IHO1: variants seen among roughly 807,000 people sequenced by gnomAD.
The protein encoded by IHO1 is interactor of HORMAD1 1, also known as interactor of HORMAD1 protein 1.
In IHO1, 13 loss-of-function variants were observed where a neutral mutation model predicts 31.0. The observed-to-expected ratio is 0.42, with a 90% CI of 0.27 to 0.67. The LOEUF (loss-of-function observed/expected upper bound fraction) is 0.67, where lower values mean the gene tolerates loss of function less well. Ranked by LOEUF, IHO1 falls within the 30% of genes least tolerant of loss-of-function variation. The pLI is 0.24. For missense variants in IHO1, 599 were observed against 687.5 expected, an observed-to-expected ratio of 0.87 and a Z score of 1.44; for synonymous variants, 221 against 248.4, an observed-to-expected ratio of 0.89 and a Z score of 1.04.
intron 1 of IHO1, among the ~76,000 whole-genome samples, chr3:49,206,760 C>T (rs2046143298): frequency 6.6e-6 from 1 of 152,026 alleles, no homozygotes; most frequent in African/African-American, 2.4e-5. Flanking sequence ...AGGCTGGATG[C>T]AGTGGCACAC....
At chr3:49,215,580 C>T (rs528994050) in intron 2 of IHO1, among the ~76,000 whole-genome samples, 7 of 152,290 alleles carry the variant, frequency 4.6e-5, no homozygotes, top group Admixed American at 1.3e-4. Flanking sequence ...TCCTGCTGCT[C>T]GCCACACAGA....
At chr3:49,237,409 T>G (rs1283845447) in intron 3 of IHO1, among the ~76,000 whole-genome samples, 2 of 152,128 alleles carry the variant, frequency 1.3e-5, no homozygotes, top group African/African-American at 2.4e-5. Flanking sequence ...CTTAAAAAAA[T>G]TACTTATTCT....
chr3:49,257,415 G>A lies in IHO1; in HGVS notation c.*133G>A. 1 of 852,562 alleles carries A rather than the reference G, an allele frequency of 1.2e-6. No individual in the cohort carries two copies. Among genetic ancestry groups the A allele is most frequent in the Non-Finnish European group, 1.9e-6 (1 of 538,790 alleles). 52.8% of individuals were successfully genotyped at this position (852,562 alleles called of 1,614,324 possible). A position where few individuals can be genotyped will look rare whatever the true frequency, so the allele number is the denominator to read the frequency against. ...AGGCCCTGCTGAGGTGGGGCAATGAGCACGAGGGCAGGGAAGGTCCAGCAT... is the reference window on the plus strand; with the variant it reads ...AGGCCCTGCTGAGGTGGGGCAATGAACACGAGGGCAGGGAAGGTCCAGCAT... On this transcript the variant is annotated 3_prime_UTR_variant, in exon 8 of 8. Coordinates refer to ENST00000452691, the MANE Select transcript of IHO1 (RefSeq NM_001135197.2).
intron 2 of IHO1, among the ~76,000 whole-genome samples, chr3:49,224,528 A>C: frequency 6.6e-6 from 1 of 152,248 alleles, no homozygotes; most frequent in Non-Finnish European, 1.5e-5. Flanking sequence ...CATACTTGCT[A>C]TCTGTATACA....
At chr3:49,226,204 CT>C (rs202238847) in intron 2 of IHO1, among the ~76,000 whole-genome samples, 1,856 of 152,206 alleles carry the variant, frequency 0.012, 16 homozygotes, top group Non-Finnish European at 0.02. Flanking sequence ...TCTGATCTCA[CT>C]TTTCCTTTTG....
the IHO1 span, among the ~76,000 whole-genome samples, chr3:49,192,214 G>C: frequency 1.3e-5 from 2 of 152,164 alleles, no homozygotes; most frequent in Non-Finnish European, 2.9e-5. Flanking sequence ...TAAAATTACT[G>C]CTTCAGAATA....
In IHO1 at chr3:49,256,612, C is replaced by G; in HGVS notation, c.1115C>G (p.Ser372Cys). Residue 372 changes from serine to cysteine, a missense_variant, in exon 8 of 8, where the codon TCC becomes TGC. Ser to Cys is a moderately radical substitution (Grantham distance 112, BLOSUM62 -1). Coordinates refer to ENST00000452691, the MANE Select transcript of IHO1 (RefSeq NM_001135197.2). The surrounding 1 kb of genome is among the most constrained non-coding windows in gnomAD (Gnocchi z 4.6). ...AAAACAGGTGCCAAGAACCATGGTTCCAGCGTCCCAGGCCATAAGATTCCC... is the reference window on the plus strand; with the variant it reads ...AAAACAGGTGCCAAGAACCATGGTTGCAGCGTCCCAGGCCATAAGATTCCC... Reference protein sequence around the residue: ...VTKTGAKNHGSSVPGHKIPSD... With the variant: ...VTKTGAKNHGCSVPGHKIPSD... 2 of 1,614,220 alleles carry G rather than the reference C, an allele frequency of 1.2e-6. No homozygotes were observed. The highest frequency in any genetic ancestry group is 8.5e-7 in the Non-Finnish European group (1 of 1,180,036).
At chr3:49,225,401 T>G (rs1485900188) in intron 2 of IHO1, among the ~76,000 whole-genome samples, 1 of 151,866 alleles carries the variant, frequency 6.6e-6, no homozygotes, top group African/African-American at 2.4e-5. Context: ...AGGCAGAGGT[T>G]GCAGTGAGCA....
intron 2 of IHO1, among the ~76,000 whole-genome samples, chr3:49,231,419 A>G (rs925501054): frequency 6.6e-6 from 1 of 152,200 alleles, no homozygotes; most frequent in African/African-American, 2.4e-5. Context: ...TGGGTCTACA[A>G]ATGGTAAAGC....
intron 6 of IHO1, among the ~76,000 whole-genome samples, chr3:49,253,428 A>G (rs930905313): frequency 1.3e-4 from 20 of 152,076 alleles, no homozygotes; most frequent in Admixed American, 1.2e-3. Context: ...TGTCTCAAAA[A>G]AAGAAAGAAA....
chr3:49,255,824 T>C (rs2046815625), intron 7 of IHO1, among the ~76,000 whole-genome samples: 1 of 151,984 alleles, frequency 6.6e-6, no homozygotes, highest in Non-Finnish European at 1.5e-5. Context: ...GTGCTGGGGA[T>C]TACAGGTGTG....
At chr3:49,206,411 A>G (rs1575563991) in intron 1 of IHO1, among the ~76,000 whole-genome samples, 1 of 140,062 alleles carries the variant, frequency 7.1e-6, no homozygotes, top group East Asian at 2.2e-4. Context: ...TGTATTTTTA[A>G]TAGAGATGGG....
In IHO1 at chr3:49,221,922, G is replaced by A. The variant is rs34489947; in HGVS notation, c.56+10086G>A. On this transcript the variant is annotated intron_variant, in intron 2 of 7. Coordinates refer to ENST00000452691, the MANE Select transcript of IHO1 (RefSeq NM_001135197.2). ...ATTTCAGAAGCCTTTTCCTATAAAC[G>A]CCGGGTGGCATCTTGTACTATCGCT... 1.3e-3 allele frequency among the ~76,000 whole-genome samples: 192 copies of A among 152,274 alleles called. 1 individual carries two copies. Among genetic ancestry groups the A allele is most frequent in the Non-Finnish European group, 2.0e-3 (139 of 68,008 alleles).
intron 2 of IHO1, among the ~76,000 whole-genome samples, chr3:49,212,183 A>AT (rs1464170018): frequency 6.9e-6 from 1 of 145,074 alleles, no homozygotes; most frequent in Non-Finnish European, 1.5e-5. Flanking sequence ...AAAAAAAAAA[A>AT]GGATTTTCCA....
chr3:49,218,376 C>CTTTTTTTT (rs34312848), intron 2 of IHO1, among the ~76,000 whole-genome samples: 1 of 105,820 alleles, frequency 9.5e-6, no homozygotes, highest in Non-Finnish European at 1.9e-5. Context: ...CAGTTAATAC[C>CTTTTTTTT]TTTTTTTTTT....
intron 1 of IHO1, among the ~76,000 whole-genome samples, chr3:49,204,601 T>C (rs2046112419): frequency 6.6e-6 from 1 of 152,106 alleles, no homozygotes. Context: ...GCAGATGAAA[T>C]GATGCTTTGT....
At chr3:49,229,950 G>A (rs2046461975) in intron 2 of IHO1, among the ~76,000 whole-genome samples, 1 of 152,160 alleles carries the variant, frequency 6.6e-6, no homozygotes, top group African/African-American at 2.4e-5. Flanking sequence ...GCATGAAATA[G>A]GGTATGTCCC....
At chr3:49,205,287 C>T (rs901162907) in intron 1 of IHO1, among the ~76,000 whole-genome samples, 15 of 151,254 alleles carry the variant, frequency 9.9e-5, no homozygotes, top group African/African-American at 3.4e-4. Context: ...CATGCTAATG[C>T]GTTATAATTA....
At chr3:49,193,388 C>T in the IHO1 span, among the ~76,000 whole-genome samples, 1 of 150,984 alleles carries the variant, frequency 6.6e-6, no homozygotes, top group Non-Finnish European at 1.5e-5. Context: ...CAAAAGAAAA[C>T]AAAACAAAAA....
Sources: gnomAD v4.1 joint callset for allele counts (sites outside exome capture counted in the v4.1 genomes callset) on GRCh38, gnomAD v4.1.1 for gene constraint, Gnocchi (gnomAD v3.1) non-coding constraint, MANE v1.5 for transcripts, NCBI Gene and HGNC (gene_info 2026-07-23, HGNC 2026-07-21) for gene names.